The following CDRT4 variants were observed in gnomAD, a reference collection of about 807,000 sequenced individuals.
CDRT4 encodes the protein CMT1A duplicated region transcript 4.
For missense variants in CDRT4, 167 were observed against 193.1 expected (o/e 0.87, Z 0.80); for synonymous variants, 64 against 69.6 (o/e 0.92, Z 0.40).
chr17:15,444,275 GA>G, intron 2 of CDRT4: 4 of 520,664 alleles, frequency 7.7e-6, no homozygotes, highest in Non-Finnish European at 1.4e-5. Flanking sequence ...TGCAATAAAA[GA>G]CCTATTGATT....
At chr17:15,440,734 A>C (rs1300400304) in intron 2 of CDRT4, among the ~76,000 whole-genome samples, 1 of 152,228 alleles carries the variant, frequency 6.6e-6, no homozygotes, top group Admixed American at 6.5e-5. Context: ...GGTAGCAGAG[A>C]TGGGCAGTGG....
intron 2 of CDRT4, among the ~76,000 whole-genome samples, chr17:15,441,742 C>CA (rs1316414126): frequency 1.3e-5 from 2 of 152,032 alleles, no homozygotes; most frequent in African/African-American, 4.8e-5. Context: ...TTCATACTCC[C>CA]AAAAAAATGC....
chr17:15,440,116 G>T, intron 3 of CDRT4, 92 bp downstream of exon 3: 1 of 1,167,760 alleles, frequency 8.6e-7, no homozygotes, highest in Non-Finnish European at 1.2e-6. Context: ...AAAAAAAAGA[G>T]TGGCCGCCCA....
At chr17:15,467,005 G>C (rs575369104) in intron 1 of CDRT4, among the ~76,000 whole-genome samples, 1 of 152,246 alleles carries the variant, frequency 6.6e-6, no homozygotes, top group African/African-American at 2.4e-5. Context: ...GAGCTCTGTG[G>C]AGAGGTAATG....
At chr17:15,456,626 C>G (rs1457006984) in intron 1 of CDRT4, among the ~76,000 whole-genome samples, 1 of 151,234 alleles carries the variant, frequency 6.6e-6, no homozygotes, top group Non-Finnish European at 1.5e-5. Flanking sequence ...CAGAATCCAA[C>G]AGCACGGGGT....
intron 1 of CDRT4, among the ~76,000 whole-genome samples, chr17:15,461,293 A>C (rs546304874): frequency 2.0e-5 from 3 of 152,326 alleles, no homozygotes; most frequent in African/African-American, 7.2e-5. Flanking sequence ...TAGGGATAGC[A>C]AGGCGAAGGC....
chr17:15,465,081 CAG>C (rs1437970347), intron 1 of CDRT4, among the ~76,000 whole-genome samples: 1 of 144,308 alleles, frequency 6.9e-6, no homozygotes, highest in Non-Finnish European at 1.5e-5. Flanking sequence ...CACACCAATA[CAG>C]ACACACACAA....
At chr17:15,441,557 T>C (rs1390065300) in intron 2 of CDRT4, among the ~76,000 whole-genome samples, 2 of 152,038 alleles carry the variant, frequency 1.3e-5, no homozygotes, top group Non-Finnish European at 2.9e-5. Context: ...AGATAAGCAG[T>C]TCCCAGGTTT....
intron 2 of CDRT4, among the ~76,000 whole-genome samples, chr17:15,448,610 GCT>G (rs781599099): frequency 6.6e-5 from 10 of 152,174 alleles, no homozygotes; most frequent in Non-Finnish European, 1.0e-4. Flanking sequence ...CAGGAGACGC[GCT>G]CTCTCTCCTG....
At chr17:15,462,978 A>T (rs906017839) in intron 1 of CDRT4, among the ~76,000 whole-genome samples, 1 of 152,126 alleles carries the variant, frequency 6.6e-6, no homozygotes, top group African/African-American at 2.4e-5. Flanking sequence ...TTGTTTTTTT[A>T]AAGATAAAGA....
chr17:15,465,144 GACAC>G (rs1286592871), intron 1 of CDRT4, among the ~76,000 whole-genome samples: 2 of 93,268 alleles, frequency 2.1e-5, no homozygotes, highest in Non-Finnish European at 3.6e-5. Flanking sequence ...TACAAACACA[GACAC>G]ACCAACACAC....
intron 2 of CDRT4, among the ~76,000 whole-genome samples, chr17:15,446,269 G>T (rs140139678): frequency 7.9e-5 from 12 of 151,948 alleles, no homozygotes; most frequent in African/African-American, 2.9e-4. Context: ...TCTCAGTGGC[G>T]CCCCCTTCTG....
In CDRT4 at chr17:15,437,627, T is replaced by C. The variant is rs532260366; in HGVS notation, c.*146A>G. On this transcript the variant is annotated 3_prime_UTR_variant, in exon 4 of 4. Transcript: ENST00000619038. ...AGCTTGCATTCTGATCTGGTTTCTC[T>C]TAGCCAAGCTCCGCATGAGCAAGAG... 1.2e-6 allele frequency: 1 copy of C among 833,764 alleles called. No individual in the cohort carries two copies. The highest frequency in any genetic ancestry group is 2.7e-5 in the Admixed American group (1 of 36,454). The allele number at this position is 833,764 out of a possible 1,614,324, so 51.6% of individuals were successfully genotyped here.
chr17:15,438,154 A>G lies in CDRT4; in HGVS notation c.78T>C (p.His26=). ...AGGTGACATAGGCCGGCCAGGGGTC[A>G]TGTTTTTCAAGTAGCTTCCGGGGAA... The part of the protein sequence containing the change: ...TGLPRKLLEK[H]DPWPAYVTYT... The change falls in exon 4 of 4, where the codon CAT becomes CAC. Residue 26 remains histidine (H), a synonymous_variant. Coordinates refer to ENST00000619038, the MANE Select transcript of CDRT4 (RefSeq NM_001204477.2). The G allele has an allele frequency of 6.2e-7, 1 of 1,614,126 alleles. No homozygotes were observed.
At chr17:15,446,802 G>T (rs1247537197) in intron 2 of CDRT4, among the ~76,000 whole-genome samples, 1 of 152,066 alleles carries the variant, frequency 6.6e-6, no homozygotes. Context: ...GGAAGGAGGG[G>T]ATATGTTGCT....
intron 2 of CDRT4, among the ~76,000 whole-genome samples, chr17:15,449,906 G>A (rs768270462): frequency 5.9e-5 from 9 of 152,134 alleles, no homozygotes; most frequent in Non-Finnish European, 8.8e-5. Flanking sequence ...CTTTCTCATG[G>A]CTGCATAGTA....
chr17:15,456,985 A>G (rs1242503264), intron 1 of CDRT4, among the ~76,000 whole-genome samples: 1 of 152,184 alleles, frequency 6.6e-6, no homozygotes, highest in African/African-American at 2.4e-5. Context: ...GTGTGGTCAG[A>G]GATGGGATTA....
At position 15,438,200 on chromosome 17, in the gene CDRT4, C is replaced by G; in HGVS notation, c.32G>C (p.Gly11Ala). Residue 11 changes from glycine (G) to alanine (A), a missense_variant and splice_region_variant, in exon 4 of 4, where the codon GGA becomes GCA. Coordinates refer to ENST00000619038, the MANE Select transcript of CDRT4 (RefSeq NM_001204477.2). The stretch of plus-strand genomic sequence containing the variant: ...GGGAAGTCCAGTGTTTTCTGTGAGT[C>G]CTACCAACAAAGAGAAATGCAGGCC... The part of the protein sequence containing the change: MDARRMKKEE[G>A]LTENTGLPRK... 6.2e-7 allele frequency: 1 copy of G among 1,611,026 alleles called. No homozygotes were observed. Among genetic ancestry groups the G allele is most frequent in the South Asian group, 1.1e-5 (1 of 90,838 alleles).
chr17:15,440,258 G>T lies in CDRT4; in HGVS notation c.-20C>A. ...ATCCATCTTCTTTTTAATATTTACTGATTTCTTAACATCACAGGTTCAGAT... is the reference window on the plus strand; with the variant it reads ...ATCCATCTTCTTTTTAATATTTACTTATTTCTTAACATCACAGGTTCAGAT... On this transcript the variant is annotated 5_prime_UTR_variant, in exon 3 of 4. Coordinates refer to ENST00000619038, the MANE Select transcript of CDRT4 (RefSeq NM_001204477.2). The T allele has an allele frequency of 6.2e-7, 1 of 1,612,858 alleles. No homozygotes were observed.
Sources: allele counts gnomAD v4.1 joint callset (sites outside exome capture counted in the v4.1 genomes callset), GRCh38; gene constraint gnomAD v4.1.1; transcripts MANE v1.5; gene names NCBI Gene and HGNC (gene_info 2026-07-23, HGNC 2026-07-21).